The following ELMOD1 variants were observed in gnomAD, a reference collection of about 807,000 sequenced individuals.
ELMOD1 encodes ELMO domain containing 1.
ELMOD1 carries 21 observed loss-of-function variants against 46.7 expected under a neutral mutation model. The ratio of observed to expected loss-of-function variants is 0.45; its 90% confidence interval spans 0.32 to 0.65. The LOEUF is 0.65. Ranked by LOEUF, ELMOD1 falls within the 30% of genes least tolerant of loss-of-function variation. ELMOD1 has a pLI of 0.04. For missense variants in ELMOD1, 348 were observed against 407.8 expected, an observed-to-expected ratio of 0.85 and a Z score of 1.26; for synonymous variants, 122 against 138.2, an observed-to-expected ratio of 0.88 and a Z score of 0.82.
intron 1 of ELMOD1, among the ~76,000 whole-genome samples, chr11:107,597,373 G>A (rs1865509790): frequency 6.6e-6 from 1 of 152,158 alleles, no homozygotes; most frequent in South Asian, 2.1e-4. Flanking sequence ...TAGTTCACTT[G>A]AGCGTTAGCA....
At chr11:107,627,353 T>C (rs1332577734) in intron 2 of ELMOD1, among the ~76,000 whole-genome samples, 3 of 152,240 alleles carry the variant, frequency 2.0e-5, no homozygotes, top group Non-Finnish European at 2.9e-5. Context: ...GTGAGAGAGA[T>C]GTGATTTACT....
chr11:107,599,867 G>T lies in ELMOD1; in HGVS notation c.-86+8458G>T, dbSNP rs371067239. On this transcript the variant is annotated intron_variant, in intron 1 of 11. Coordinates refer to ENST00000265840, the MANE Select transcript of ELMOD1 (RefSeq NM_018712.4). Reference sequence around the variant, plus strand: ...ACTAAGTCAGTTATAGAAATAATATGGGTTAGATACCAAATTCCTTTTCAT... The same window carrying T: ...ACTAAGTCAGTTATAGAAATAATATTGGTTAGATACCAAATTCCTTTTCAT... Among the ~76,000 whole-genome samples the T allele has an allele frequency of 2.5e-4, 37 of 150,814 alleles. No homozygotes were observed. In the East Asian group the frequency reaches 7.0e-3, roughly 28 times the overall value.
At position 107,618,096 on chromosome 11, in the gene ELMOD1, T is replaced by C. The variant is rs1162371044; in HGVS notation, c.-85-9T>C. 13 of 1,386,150 alleles carry C rather than the reference T, an allele frequency of 9.4e-6. No homozygotes were observed. The highest frequency in any genetic ancestry group is 1.4e-5 in the African/African-American group (1 of 69,696). 85.9% of individuals were successfully genotyped at this position (1,386,150 alleles called of 1,614,324 possible). A position where few individuals can be genotyped will look rare whatever the true frequency, so the allele number is the denominator to read the frequency against. On this transcript the variant is annotated splice_polypyrimidine_tract_variant and intron_variant, in intron 1 of 11. Transcript: ENST00000265840. ...GTAAATATACCTAATATCTAATTTC[T>C]TCCCACAGTTGACACTTACTTTGAC...
chr11:107,647,396 A>T (rs1866448883), intron 6 of ELMOD1, 72 bp from the exon 7 acceptor site: 1 of 1,442,780 alleles, frequency 6.9e-7, no homozygotes, highest in Admixed American at 2.1e-5. Context: ...CCTCCTAATA[A>T]TGTAGTTTAC....
intron 1 of ELMOD1, among the ~76,000 whole-genome samples, chr11:107,608,630 C>A (rs1017684909): frequency 2.0e-5 from 3 of 152,006 alleles, no homozygotes; most frequent in African/African-American, 7.3e-5. Flanking sequence ...GGAAATGAAG[C>A]CTCAGTAAAG....
chr11:107,663,173 G>A (rs1327295305), intron 11 of ELMOD1, among the ~76,000 whole-genome samples: 1 of 152,188 alleles, frequency 6.6e-6, no homozygotes. Context: ...TGGGGTGACT[G>A]ATACTTCCCG....
At chr11:107,617,851 C>T (rs651300) in intron 1 of ELMOD1, among the ~76,000 whole-genome samples, 95,196 of 152,020 alleles carry the variant, frequency 0.63, 31,005 homozygotes, top group East Asian at 0.81. Context: ...AAGGAAAAGA[C>T]TGATATTGAA....
intron 1 of ELMOD1, among the ~76,000 whole-genome samples, chr11:107,606,208 G>A (rs1865682693): frequency 6.6e-6 from 1 of 152,182 alleles, no homozygotes; most frequent in Non-Finnish European, 1.5e-5. Context: ...ATATGAAGCA[G>A]GATGCAAACT....
At chr11:107,636,009 CAG>C (rs1866223664) in intron 6 of ELMOD1, among the ~76,000 whole-genome samples, 2 of 152,182 alleles carry the variant, frequency 1.3e-5, no homozygotes, top group Admixed American at 6.5e-5. Flanking sequence ...GAGAAAACGT[CAG>C]AGGTGATTTC....
intron 4 of ELMOD1, among the ~76,000 whole-genome samples, chr11:107,631,001 T>C (rs1186693215): frequency 6.6e-6 from 1 of 152,138 alleles, no homozygotes; most frequent in African/African-American, 2.4e-5. Flanking sequence ...AAATAAATAT[T>C]CCTTGAACAT....
chr11:107,658,498 A>G (rs965303276), intron 11 of ELMOD1, among the ~76,000 whole-genome samples: 2 of 152,222 alleles, frequency 1.3e-5, no homozygotes, highest in African/African-American at 4.8e-5. Flanking sequence ...ATTAGGTTCT[A>G]TGCTGAGGAA....
intron 6 of ELMOD1, among the ~76,000 whole-genome samples, chr11:107,638,381 G>A (rs999192533): frequency 6.6e-6 from 1 of 152,182 alleles, no homozygotes; most frequent in African/African-American, 2.4e-5. Flanking sequence ...TATCACAGTA[G>A]CCTTGTGGTG....
At chr11:107,599,219 G>C (rs1184522778) in intron 1 of ELMOD1, among the ~76,000 whole-genome samples, 1 of 152,068 alleles carries the variant, frequency 6.6e-6, no homozygotes, top group Non-Finnish European at 1.5e-5. Flanking sequence ...GGATAAGAAA[G>C]GATACTTTTC....
intron 11 of ELMOD1, among the ~76,000 whole-genome samples, chr11:107,662,882 C>A (rs1036273088): frequency 1.3e-5 from 2 of 152,002 alleles, no homozygotes; most frequent in Admixed American, 1.3e-4. Flanking sequence ...CAGAGCGAGA[C>A]CCTGTCTCAA....
At chr11:107,663,597 A>G (rs1027123511) in intron 11 of ELMOD1, among the ~76,000 whole-genome samples, 2 of 152,210 alleles carry the variant, frequency 1.3e-5, no homozygotes, top group Non-Finnish European at 2.9e-5. Context: ...TAACAATGCA[A>G]TGAGACAAGT....
chr11:107,653,851 G>A (rs781545864), intron 9 of ELMOD1: 7 of 244,006 alleles, frequency 2.9e-5, no homozygotes, highest in Non-Finnish European at 5.6e-5. Flanking sequence ...GAGAGAGTGA[G>A]GCGACATCTA....
At chr11:107,619,363 T>C (rs965444570) in intron 2 of ELMOD1, among the ~76,000 whole-genome samples, 1 of 152,256 alleles carries the variant, frequency 6.6e-6, no homozygotes, top group African/African-American at 2.4e-5. Context: ...AGCCAAGTAT[T>C]TGACCTAATA....
chr11:107,644,235 G>C (rs146507190), intron 6 of ELMOD1, among the ~76,000 whole-genome samples: 126 of 151,972 alleles, frequency 8.3e-4, no homozygotes, highest in African/African-American at 2.9e-3. Context: ...AGCAGAGGTT[G>C]CAGTGAGCTG....
Position 107,665,203 on chromosome 11 carries a change from C to T in ELMOD1, c.*6C>T, listed in dbSNP as rs756095299. On this transcript the variant is annotated 3_prime_UTR_variant, in exon 12 of 12. Transcript: ENST00000265840. ...AAGGTTTAATCAACATGTAGTTGCC[C>T]ACGCCGGTTTTAATGGATACCCTGG... 22 of 1,613,176 alleles carry T rather than the reference C, an allele frequency of 1.4e-5. No homozygotes were observed. In the African/African-American group the frequency reaches 2.0e-4, roughly 15 times the overall value.
Sources: allele counts gnomAD v4.1 joint callset (sites outside exome capture counted in the v4.1 genomes callset), GRCh38; gene constraint gnomAD v4.1.1; transcripts MANE v1.5; gene names NCBI Gene and HGNC (gene_info 2026-07-23, HGNC 2026-07-21).